Variants in CDH11 observed in about 807,000 individuals in gnomAD.
The protein encoded by CDH11 is cadherin-11.
A neutral mutation model predicts 67.8 loss-of-function variants in CDH11; 11 were observed. The ratio of observed to expected loss-of-function variants is 0.16; its 90% CI spans 0.10 to 0.27. The LOEUF is 0.27. CDH11 is among the 10% of genes least tolerant of loss of function. The pLI is 1.00. For missense variants in CDH11, 847 were observed against 1,031.2 expected, an observed-to-expected ratio of 0.82 and a Z score of 2.45; for synonymous variants, 419 against 400.0, an observed-to-expected ratio of 1.05 and a Z score of -0.57.
intron 1 of CDH11, among the ~76,000 whole-genome samples, chr16:65,057,404 G>T (rs923154788): frequency 6.6e-6 from 1 of 152,144 alleles, no homozygotes; most frequent in African/African-American, 2.4e-5. Flanking sequence ...GTGCTTGGCT[G>T]CCCACAGCAC....
At chr16:65,046,562 C>A (rs1290671446) in intron 2 of CDH11, among the ~76,000 whole-genome samples, 1 of 152,194 alleles carries the variant, frequency 6.6e-6, no homozygotes. Context: ...GGGAGAGGAA[C>A]TGCACTCTGG....
In CDH11 at chr16:64,945,508, G is replaced by A; in HGVS notation, c.*2095C>T. On this transcript the variant is annotated 3_prime_UTR_variant, in exon 13 of 13. Transcript: ENST00000268603. ...TTTAAATGCTATTCATATTCCTTTTGAGTTATTTCTTCATTGCAAATTCAA... is the reference window on the plus strand; with the variant it reads ...TTTAAATGCTATTCATATTCCTTTTAAGTTATTTCTTCATTGCAAATTCAA... 2 of 1,032,130 alleles carry A rather than the reference G, an allele frequency of 1.9e-6. No individual in the cohort carries two copies. Among genetic ancestry groups the A allele is most frequent in the Non-Finnish European group, 2.3e-6 (2 of 857,840 alleles). The allele number at this position is 1,032,130 out of a possible 1,614,324, so 63.9% of individuals were successfully genotyped here. A position where few individuals can be genotyped will look rare whatever the true frequency, so the allele number is the denominator to read the frequency against.
intron 4 of CDH11, among the ~76,000 whole-genome samples, chr16:64,997,268 C>G (rs914963593): frequency 6.7e-6 from 1 of 149,198 alleles, no homozygotes; most frequent in Non-Finnish European, 1.5e-5. Flanking sequence ...TTACGGCACT[C>G]CAGCCTGAGT....
chr16:64,992,977 C>T lies in CDH11; in HGVS notation c.581G>A (p.Ser194Asn). Reference protein sequence around the residue: ...SDADDPTYGNSAKLVYSILEG... With the variant: ...SDADDPTYGNNAKLVYSILEG... ...GAGGATACTGTACACTAACTTGGCGCTATTTCCATAAGTGGGGTCATCTGC... is the reference window on the plus strand; with the variant it reads ...GAGGATACTGTACACTAACTTGGCGTTATTTCCATAAGTGGGGTCATCTGC... Residue 194 changes from serine to asparagine, a missense_variant, in exon 5 of 13, where the codon AGC becomes AAC. Ser to Asn is a conservative substitution (Grantham distance 46). Around this residue, in one of 2 missense-constraint regions of CDH11, gnomAD observed 235 missense variants for 352.5 expected, o/e 0.67. Coordinates refer to ENST00000268603, the MANE Select transcript of CDH11 (RefSeq NM_001797.4). 1.9e-6 allele frequency: 3 copies of T among 1,612,122 alleles called. No individual in the cohort carries two copies. Among genetic ancestry groups the T allele is most frequent in the Non-Finnish European group, 2.5e-6 (3 of 1,178,274 alleles).
chr16:65,092,253 T>A (rs1458741086), intron 1 of CDH11, among the ~76,000 whole-genome samples: 1 of 152,124 alleles, frequency 6.6e-6, no homozygotes, highest in Non-Finnish European at 1.5e-5. Flanking sequence ...TATACACAGA[T>A]GTCCCATGTG....
Position 64,944,992 on chromosome 16 carries a change from C to G in CDH11, c.*2611G>C. 4.7e-6 allele frequency: 1 copy of G among 211,304 alleles called. No individual in the cohort carries two copies. Among genetic ancestry groups the G allele is most frequent in the East Asian group, 7.2e-5 (1 of 13,948 alleles). The allele number at this position is 211,304 out of a possible 1,614,324, so 13.1% of individuals were successfully genotyped here. ...GGTAGTAAGATTCATTCTGAATCCT[C>G]CAGTAAGTGGAACAGGGTTTATAAA... is the stretch of plus-strand genomic sequence containing the variant. On this transcript the variant is annotated 3_prime_UTR_variant, in exon 13 of 13. Coordinates refer to ENST00000268603, the MANE Select transcript of CDH11 (RefSeq NM_001797.4).
intron 11 of CDH11, among the ~76,000 whole-genome samples, chr16:64,965,835 A>G (rs2071810320): frequency 6.6e-6 from 1 of 151,388 alleles, no homozygotes; most frequent in Admixed American, 6.6e-5. Flanking sequence ...TTTATAAGTG[A>G]AATAAGTGAC....
In CDH11 at chr16:64,954,951, A is replaced by T. The variant is rs112744933; in HGVS notation, c.1643-3933T>A. Among the ~76,000 whole-genome samples the T allele has an allele frequency of 9.7e-5, 14 of 144,888 alleles. No homozygotes were observed. The South Asian group carries it at 1.7e-3, about 18-fold the overall frequency. ...AAACCCTCTCTCTACTAAAAAATAA[A>T]AAAAAAAAAAAAAGGCCAGGCACAG... On this transcript the variant is annotated intron_variant, in intron 11 of 12. Coordinates refer to ENST00000268603, the MANE Select transcript of CDH11 (RefSeq NM_001797.4).
chr16:64,957,953 T>C (rs2071563680), intron 11 of CDH11, among the ~76,000 whole-genome samples: 1 of 152,224 alleles, frequency 6.6e-6, no homozygotes, highest in Admixed American at 6.5e-5. Context: ...ACACTCCTGA[T>C]GTTACTACTG....
intron 1 of CDH11, among the ~76,000 whole-genome samples, chr16:65,070,795 A>C (rs2074402253): frequency 6.6e-6 from 1 of 152,228 alleles, no homozygotes; most frequent in Admixed American, 6.5e-5. Flanking sequence ...GTACAAATGA[A>C]TAACTAAAAA....
chr16:65,005,058 G>A lies in CDH11; in HGVS notation c.-172-17C>T. 1 of 1,337,364 alleles carries A rather than the reference G, an allele frequency of 7.5e-7. No homozygotes were observed. The highest frequency in any genetic ancestry group is 3.0e-5 in the East Asian group (1 of 33,558). The allele number at this position is 1,337,364 out of a possible 1,614,324, so 82.8% of individuals were successfully genotyped here. A position where few individuals can be genotyped will look rare whatever the true frequency, so the allele number is the denominator to read the frequency against. ...AGTTAGCTTCTGCAAGCAGAGAGAG[G>A]TTGGATTAACTGCAGGCCAAATCCC... On this transcript the variant is annotated splice_polypyrimidine_tract_variant and intron_variant, in intron 2 of 12. Coordinates refer to ENST00000268603, the MANE Select transcript of CDH11 (RefSeq NM_001797.4).
intron 1 of CDH11, among the ~76,000 whole-genome samples, chr16:65,099,830 G>A (rs1478804547): frequency 3.3e-5 from 5 of 152,088 alleles, no homozygotes; most frequent in African/African-American, 7.2e-5. Context: ...GGTAATATGA[G>A]CTGCCAAGTT....
chr16:65,010,563 C>A (rs1203335634), intron 2 of CDH11, among the ~76,000 whole-genome samples: 1 of 152,080 alleles, frequency 6.6e-6, no homozygotes, highest in Non-Finnish European at 1.5e-5. Context: ...ACAGCAGAGA[C>A]TGCAAAAAGG....
chr16:64,959,956 G>A (rs1196191273), intron 11 of CDH11, among the ~76,000 whole-genome samples: 2 of 152,142 alleles, frequency 1.3e-5, no homozygotes, highest in African/African-American at 4.8e-5. Flanking sequence ...CAAACATTTT[G>A]TTGTTTATTT....
At position 65,052,580 on chromosome 16, in the gene CDH11, C is replaced by G. The variant is rs551292243; in HGVS notation, c.-173+1224G>C. 7.9e-5 allele frequency among the ~76,000 whole-genome samples: 12 copies of G among 152,104 alleles called. No individual in the cohort carries two copies. In the East Asian group the frequency reaches 2.3e-3, roughly 29 times the overall value. On this transcript the variant is annotated intron_variant, in intron 2 of 12. Transcript: ENST00000268603. Reference sequence around the variant, plus strand: ...CCAGCTGAGAGATGAATCTGGACAGCAAAACAGTGGCCCTTCCCATTAAAG... The same window carrying G: ...CCAGCTGAGAGATGAATCTGGACAGGAAAACAGTGGCCCTTCCCATTAAAG...
chr16:65,112,219 A>G (rs1382215584), intron 1 of CDH11, among the ~76,000 whole-genome samples: 3 of 152,128 alleles, frequency 2.0e-5, no homozygotes, highest in East Asian at 1.9e-4. Flanking sequence ...AAGGTTCCCA[A>G]TGTCTCAATG....
intron 1 of CDH11, among the ~76,000 whole-genome samples, chr16:65,095,247 A>T (rs2074868650): frequency 1.3e-5 from 2 of 152,116 alleles, no homozygotes; most frequent in African/African-American, 4.8e-5. Context: ...GCATACAAAG[A>T]TATCTCTAAT....
chr16:64,995,536 C>G (rs2072742058), intron 4 of CDH11, among the ~76,000 whole-genome samples: 1 of 152,128 alleles, frequency 6.6e-6, no homozygotes, highest in Non-Finnish European at 1.5e-5. Context: ...AGCTGGCTAG[C>G]CTCATGCAGA....
intron 1 of CDH11, among the ~76,000 whole-genome samples, chr16:65,089,593 A>G (rs2142826447): frequency 6.6e-6 from 1 of 152,292 alleles, no homozygotes; most frequent in Non-Finnish European, 1.5e-5. Flanking sequence ...AGCACTTTAT[A>G]TAACTTTTGA....
Sources: allele counts gnomAD v4.1 joint callset (sites outside exome capture counted in the v4.1 genomes callset), GRCh38; gene constraint gnomAD v4.1.1; regional missense constraint gnomAD v4.1.1; transcripts MANE v1.5; gene names NCBI Gene and HGNC (gene_info 2026-07-23, HGNC 2026-07-21).